GTF2F2: variants seen among roughly 807,000 people sequenced by gnomAD.
GTF2F2 encodes the protein ATP-dependent helicase GTF2F2.
A neutral mutation model predicts 42.2 loss-of-function variants in GTF2F2; 23 were observed. The observed-to-expected ratio is 0.55, with a 90% CI of 0.39 to 0.77. GTF2F2 has a LOEUF of 0.77. GTF2F2 is among the 30% of genes least tolerant of loss of function. GTF2F2 has a pLI of 0.00. For missense variants in GTF2F2, 261 were observed against 287.2 expected, an observed-to-expected ratio of 0.91 and a Z score of 0.66; for synonymous variants, 105 against 100.8, an observed-to-expected ratio of 1.04 and a Z score of -0.25.
chr13:45,151,030 A>G (rs1009217525), intron 3 of GTF2F2, among the ~76,000 whole-genome samples: 2 of 152,116 alleles, frequency 1.3e-5, no homozygotes, highest in African/African-American at 4.8e-5. Flanking sequence ...TTACATAGGT[A>G]TATTGCATGA....
chr13:45,122,450 A>G (rs930037194), intron 1 of GTF2F2, among the ~76,000 whole-genome samples: 3 of 150,562 alleles, frequency 2.0e-5, no homozygotes, highest in African/African-American at 7.5e-5. Context: ...CCTGGCCAAT[A>G]TGGTGAAACC....
rs557967524 is a variant in GTF2F2 at position 45,225,896 on chromosome 13, G to A, written c.386+18391G>A. 2.0e-5 allele frequency among the ~76,000 whole-genome samples: 3 copies of A among 152,166 alleles called. No homozygotes were observed. The East Asian group carries it at 5.8e-4, about 29-fold the overall frequency. On this transcript the variant is annotated intron_variant, in intron 5 of 7. Transcript: ENST00000340473. ...TTTTGTTTCCTCATTGTTTGTTACA[G>A]GAAGTTCAATTTGAATTTCTTCATC...
At chr13:45,126,698 A>G (rs1309804205) in intron 1 of GTF2F2, among the ~76,000 whole-genome samples, 1 of 152,258 alleles carries the variant, frequency 6.6e-6, no homozygotes, top group African/African-American at 2.4e-5. Context: ...TACGACTTAT[A>G]GCCCAGTATA....
chr13:45,207,266 C>T, intron 4 of GTF2F2, 158 bp from the exon 5 acceptor site: 1 of 556,020 alleles, frequency 1.8e-6, no homozygotes, highest in South Asian at 2.5e-5. Flanking sequence ...TAAGGCTTCT[C>T]TCTGTTCTGA....
chr13:45,159,148 A>G (rs1420292714), intron 4 of GTF2F2, among the ~76,000 whole-genome samples: 1 of 152,244 alleles, frequency 6.6e-6, no homozygotes, highest in African/African-American at 2.4e-5. Context: ...CAGATAAAGT[A>G]GCAGCTGAGT....
Position 45,144,827 on chromosome 13 carries a change from C to G in GTF2F2, c.141-4943C>G, listed in dbSNP as rs565091899. On this transcript the variant is annotated intron_variant, in intron 2 of 7. Coordinates refer to ENST00000340473, the MANE Select transcript of GTF2F2 (RefSeq NM_004128.3). ...CACAATTTTTCTGTTATAAAATTGA[C>G]TGAGTTTAGAACAGTGTTATACTGA... is the stretch of plus-strand genomic sequence containing the variant. Among the ~76,000 whole-genome samples, 63 of 152,212 alleles carry G rather than the reference C, an allele frequency of 4.1e-4. No individual in the cohort carries two copies. In the South Asian group the frequency reaches 0.013, roughly 31 times the overall value.
In GTF2F2 at chr13:45,283,993, A is replaced by G. The variant is rs1877370531; in HGVS notation, c.*432A>G. ...AACTCTTAAAAGGAATAAAAACCCA[A>G]AGTTCCTTATTTTGAAATTGTCAAA... On this transcript the variant is annotated 3_prime_UTR_variant, in exon 8 of 8. Transcript: ENST00000340473. The G allele has an allele frequency of 6.6e-6, 1 of 152,230 alleles. No individual in the cohort carries two copies. 9.4% of individuals were successfully genotyped at this position (152,230 alleles called of 1,614,324 possible).
At chr13:45,140,931 A>G (rs1406561879) in intron 2 of GTF2F2, among the ~76,000 whole-genome samples, 3 of 152,192 alleles carry the variant, frequency 2.0e-5, no homozygotes, top group African/African-American at 7.2e-5. Context: ...ATGGCTGTTG[A>G]TAGTTGTTTG....
intron 7 of GTF2F2, among the ~76,000 whole-genome samples, chr13:45,280,384 CT>C (rs1468113175): frequency 2.0e-5 from 3 of 152,190 alleles, no homozygotes; most frequent in Non-Finnish European, 2.9e-5. Flanking sequence ...CTTCAGAGAC[CT>C]TGTTTTTCCC....
chr13:45,226,539 T>C (rs1056230996), intron 5 of GTF2F2, among the ~76,000 whole-genome samples: 1 of 152,210 alleles, frequency 6.6e-6, no homozygotes, highest in African/African-American at 2.4e-5. Flanking sequence ...GCTTAATATA[T>C]TTTAATGCCT....
chr13:45,138,804 CCTGA>C (rs1209532091), intron 2 of GTF2F2, among the ~76,000 whole-genome samples: 1 of 152,154 alleles, frequency 6.6e-6, no homozygotes, highest in Non-Finnish European at 1.5e-5. Context: ...CGCCAGCATA[CCTGA>C]CTAATTTTTG....
intron 2 of GTF2F2, among the ~76,000 whole-genome samples, chr13:45,137,493 A>G (rs961419082): frequency 1.5e-4 from 23 of 152,254 alleles, no homozygotes; most frequent in African/African-American, 4.3e-4. Context: ...GCTTAGAACA[A>G]AAGCCATTTT....
intron 4 of GTF2F2, among the ~76,000 whole-genome samples, chr13:45,172,164 C>T (rs890156023): frequency 9.9e-5 from 15 of 152,168 alleles, no homozygotes; most frequent in African/African-American, 3.6e-4. Flanking sequence ...CACATCCCCA[C>T]CAACACTTGT....
chr13:45,215,945 T>A (rs997390408), intron 5 of GTF2F2, among the ~76,000 whole-genome samples: 1 of 151,988 alleles, frequency 6.6e-6, no homozygotes, highest in Admixed American at 6.6e-5. Context: ...TTGTAAAAGC[T>A]CTTGGGAATG....
intron 5 of GTF2F2, among the ~76,000 whole-genome samples, chr13:45,224,098 C>T (rs140825173): frequency 1.3e-5 from 2 of 152,070 alleles, no homozygotes; most frequent in African/African-American, 4.8e-5. Flanking sequence ...ATATGAATAC[C>T]CATTTTTTGA....
chr13:45,211,132 A>G (rs1311751061), intron 5 of GTF2F2, among the ~76,000 whole-genome samples: 5 of 152,096 alleles, frequency 3.3e-5, no homozygotes, highest in African/African-American at 7.2e-5. Context: ...TGTCCTGTGC[A>G]TTGCAAGGAA....
chr13:45,158,089 G>A (rs945100465), intron 4 of GTF2F2, among the ~76,000 whole-genome samples: 1 of 152,030 alleles, frequency 6.6e-6, no homozygotes, highest in African/African-American at 2.4e-5. Context: ...CACATTTCTG[G>A]ATACCACTTG....
intron 6 of GTF2F2, among the ~76,000 whole-genome samples, chr13:45,260,126 T>C (rs1876274789): frequency 6.6e-6 from 1 of 152,138 alleles, no homozygotes; most frequent in African/African-American, 2.4e-5. Flanking sequence ...AGAAAGGAAA[T>C]TCATTTTTAT....
intron 2 of GTF2F2, among the ~76,000 whole-genome samples, chr13:45,139,546 A>G (rs889122068): frequency 1.3e-5 from 2 of 152,136 alleles, no homozygotes; most frequent in South Asian, 2.1e-4. Context: ...CTCTGTTCAC[A>G]ATTTCAGCTC....
Sources: gnomAD v4.1 joint callset for allele counts (sites outside exome capture counted in the v4.1 genomes callset) on GRCh38, gnomAD v4.1.1 for gene constraint, MANE v1.5 for transcripts, NCBI Gene and HGNC (gene_info 2026-07-23, HGNC 2026-07-21) for gene names.